Variants in SPINDOC observed in about 807,000 individuals in gnomAD.
SPINDOC encodes spindlin interactor and repressor of chromatin-binding protein.
Under a neutral mutation model 30.7 loss-of-function variants are expected in SPINDOC, and 13 were observed. The ratio of observed to expected loss-of-function variants is 0.42; its 90% CI spans 0.28 to 0.67. SPINDOC has a LOEUF of 0.67. Ranked by LOEUF, SPINDOC falls within the 30% of genes least tolerant of loss-of-function variation. The pLI, the probability that SPINDOC is intolerant of heterozygous loss-of-function variation, is 0.22. For missense variants in SPINDOC, 438 were observed against 518.0 expected (o/e 0.85, Z 1.50); for synonymous variants, 228 against 211.4 (o/e 1.08, Z -0.68).
At chr11:63,820,447 C>T (rs1208138617) in intron 5 of SPINDOC, among the ~76,000 whole-genome samples, 1 of 149,118 alleles carries the variant, frequency 6.7e-6, no homozygotes, top group Non-Finnish European at 1.5e-5. Flanking sequence ...TTGGCCCTTA[C>T]AAAAATAACT....
Position 63,827,056 on chromosome 11 carries a change from G to C in SPINDOC, c.1063G>C (p.Gly355Arg), listed in dbSNP as rs781191347. 1 of 1,614,226 alleles carries C rather than the reference G, an allele frequency of 6.2e-7. No homozygotes were observed. The highest frequency in any genetic ancestry group is 1.7e-5 in the Admixed American group (1 of 60,036). The change falls in exon 6 of 6, where the codon GGT (glycine) becomes CGT (arginine). Residue 355 changes from glycine (G) to arginine (R), a missense_variant. Coordinates refer to ENST00000294244, the MANE Select transcript of SPINDOC (RefSeq NM_138471.3). ...HPQGTKRVGA[G>R]DTSDWPTVLS... ...CCAGGGCACCAAGCGTGTGGGAGCA[G>C]GTGACACCTCAGACTGGCCCACAGT...
intron 5 of SPINDOC, among the ~76,000 whole-genome samples, chr11:63,819,984 T>C (rs965058730): frequency 2.0e-5 from 3 of 152,116 alleles, no homozygotes; most frequent in Non-Finnish European, 2.9e-5. Flanking sequence ...TTCAGTTAGG[T>C]GTCCAGAGAA....
At chr11:63,822,375 A>G (rs993076632) in intron 5 of SPINDOC, among the ~76,000 whole-genome samples, 18 of 147,502 alleles carry the variant, frequency 1.2e-4, no homozygotes, top group East Asian at 9.7e-4. Context: ...AAAAAAAAAA[A>G]AAAAAGAAAC....
intron 1 of SPINDOC, among the ~76,000 whole-genome samples, chr11:63,814,377 T>C (rs2015283352): frequency 1.3e-5 from 2 of 152,138 alleles, no homozygotes; most frequent in Non-Finnish European, 2.9e-5. Context: ...AGGTGTCAAG[T>C]TCTGGAGAGA....
chr11:63,814,481 T>A (rs2015286561), intron 1 of SPINDOC, among the ~76,000 whole-genome samples: 1 of 152,070 alleles, frequency 6.6e-6, no homozygotes, highest in African/African-American at 2.4e-5. Context: ...AGGAACAATC[T>A]CAGAACACTC....
chr11:63,814,282 T>C (rs2015279975), intron 1 of SPINDOC, among the ~76,000 whole-genome samples: 1 of 152,200 alleles, frequency 6.6e-6, no homozygotes, highest in African/African-American at 2.4e-5. Context: ...TCCAGGAGAA[T>C]TTTAAGGGCT....
chr11:63,826,785 G>A (rs923702504), intron 5 of SPINDOC, 143 bp from the exon 6 acceptor site: 23 of 617,154 alleles, frequency 3.7e-5, no homozygotes, highest in Admixed American at 1.1e-4. Flanking sequence ...CCATCCTTGG[G>A]CTTCCCCTCA....
chr11:63,823,243 AG>A, intron 5 of SPINDOC: 3 of 1,284,574 alleles, frequency 2.3e-6, no homozygotes, highest in Non-Finnish European at 3.0e-6. Flanking sequence ...ACGAACCCAA[AG>A]CTTGGACAGA....
chr11:63,817,718 A>T, intron 1 of SPINDOC, 87 bp from the exon 2 acceptor site: 1 of 1,249,268 alleles, frequency 8.0e-7, no homozygotes, highest in Non-Finnish European at 1.1e-6. Context: ...CCCCCATCCC[A>T]CTCAAACCAC....
At chr11:63,826,460 G>A (rs1159343187) in intron 5 of SPINDOC, among the ~76,000 whole-genome samples, 2 of 152,112 alleles carry the variant, frequency 1.3e-5, no homozygotes, top group Non-Finnish European at 2.9e-5. Context: ...GGTCTTTTCT[G>A]TCCCCCACGT....
chr11:63,816,866 A>G (rs1337486502), intron 1 of SPINDOC, among the ~76,000 whole-genome samples: 10 of 152,142 alleles, frequency 6.6e-5, no homozygotes, highest in African/African-American at 2.4e-4. Context: ...GCGAGTTCTG[A>G]GGGGATGGGG....
chr11:63,818,672 G>GA lies in SPINDOC; in HGVS notation c.733+21dup. The stretch of plus-strand genomic sequence containing the variant: ...ACCCAGGTGAAGGGGAGGCCCGGGG[G>GA]AGGCGTGGGCTCTGGCCGCAGTGCT... On this transcript the variant is annotated intron_variant, in intron 4 of 5. Transcript: ENST00000294244. The surrounding 1 kb of genome is among the most constrained non-coding windows in gnomAD (Gnocchi z 5.3). 1 of 1,613,178 alleles carries GA rather than the reference G, an allele frequency of 6.2e-7. No homozygotes were observed.
chr11:63,823,743 C>T (rs373647503), intron 5 of SPINDOC, among the ~76,000 whole-genome samples: 54 of 151,848 alleles, frequency 3.6e-4, no homozygotes, highest in East Asian at 1.9e-3. Context: ...GGACTACAGG[C>T]GCCCACCACC....
At position 63,827,455 on chromosome 11, in the gene SPINDOC, C is replaced by A; in HGVS notation, c.*316C>A. 2.3e-6 allele frequency: 1 copy of A among 443,046 alleles called. No individual in the cohort carries two copies. The allele number at this position is 443,046 out of a possible 1,614,324, so 27.4% of individuals were successfully genotyped here. On this transcript the variant is annotated 3_prime_UTR_variant, in exon 6 of 6. Coordinates refer to ENST00000294244, the MANE Select transcript of SPINDOC (RefSeq NM_138471.3). The stretch of plus-strand genomic sequence containing the variant: ...CCTCCTCCCACCCTCCCCCTGCTCC[C>A]CACCATTCTCCCTTGGCACAGTGCC...
At position 63,818,130 on chromosome 11, in the gene SPINDOC, C is replaced by T; in HGVS notation, c.453C>T (p.Asn151=). Residue 151 remains asparagine (N), a synonymous_variant, in exon 2 of 6, where the codon AAC becomes AAT. Transcript: ENST00000294244. This position sits in a 1 kb window ranked among gnomAD's most constrained non-coding sequence, Gnocchi z 5.3. The part of the protein sequence containing the change: ...DVRAEQPSPP[N]SDSGQDAHPD... ...GAGCTGAGCAGCCGTCCCCACCCAA[C>T]TCAGGTAGTTGGTCCTGGGGCTGGC... 1 of 1,613,836 alleles carries T rather than the reference C, an allele frequency of 6.2e-7. No homozygotes were observed. The highest frequency in any genetic ancestry group is 8.5e-7 in the Non-Finnish European group (1 of 1,179,804).
intron 5 of SPINDOC, among the ~76,000 whole-genome samples, chr11:63,826,542 T>A (rs749702239): frequency 6.6e-6 from 1 of 152,100 alleles, no homozygotes; most frequent in East Asian, 1.9e-4. Flanking sequence ...CCCCATCACC[T>A]CTGCCCCACT....
intron 5 of SPINDOC, among the ~76,000 whole-genome samples, chr11:63,824,432 A>G (rs908910709): frequency 6.6e-6 from 1 of 152,172 alleles, no homozygotes; most frequent in Non-Finnish European, 1.5e-5. Flanking sequence ...AAGGGCCTGC[A>G]GGTTAGGGTG....
Position 63,827,184 on chromosome 11 carries a change from C to T in SPINDOC, c.*45C>T, listed in dbSNP as rs112011949. 0.039 allele frequency: 61,798 copies of T among 1,595,234 alleles called. 1,560 individuals carry two copies. The highest frequency in any genetic ancestry group is 0.046 in the Non-Finnish European group (54,108 of 1,169,914). On this transcript the variant is annotated 3_prime_UTR_variant, in exon 6 of 6. Coordinates refer to ENST00000294244, the MANE Select transcript of SPINDOC (RefSeq NM_138471.3). ...GGGAGGGAGGGATGAGGCAGCGTCC[C>T]CCAGTGGCTTATAACTCAGAGCTGC... is the stretch of plus-strand genomic sequence containing the variant.
intron 1 of SPINDOC, among the ~76,000 whole-genome samples, chr11:63,815,137 G>A (rs1056606913): frequency 6.6e-6 from 1 of 152,234 alleles, no homozygotes; most frequent in Admixed American, 6.5e-5. Context: ...AGCAGGAAAA[G>A]GAGAAAGAGG....
Sources: gnomAD v4.1 joint callset for allele counts (sites outside exome capture counted in the v4.1 genomes callset) on GRCh38, gnomAD v4.1.1 for gene constraint, Gnocchi (gnomAD v3.1) non-coding constraint, MANE v1.5 for transcripts, NCBI Gene and HGNC (gene_info 2026-07-23, HGNC 2026-07-21) for gene names.